TIAM2: variants seen among roughly 807,000 people sequenced by gnomAD.
TIAM2 encodes TIAM Rac1 associated GEF 2.
TIAM2 carries 80 observed loss-of-function variants against 152.9 expected under a neutral mutation model. The observed-to-expected ratio is 0.52, with a 90% CI of 0.44 to 0.63. The LOEUF (loss-of-function observed/expected upper bound fraction) is 0.63, where lower values mean the gene tolerates loss of function less well. TIAM2 is among the 30% of genes least tolerant of loss of function. The pLI, the probability that TIAM2 is intolerant of heterozygous loss-of-function variation, is 0.00. For synonymous variants in TIAM2, 804 were observed against 838.0 expected (o/e 0.96, Z 0.70); for missense variants, 1,965 against 2,120.1 (o/e 0.93, Z 1.44).
At position 155,199,072 on chromosome 6, in the gene TIAM2, T is replaced by TA. The variant is rs1434574365; in HGVS notation, c.3065-12132_3065-12131insA. Among the ~76,000 whole-genome samples the TA allele has an allele frequency of 9.2e-5, 14 of 151,810 alleles. No homozygotes were observed. The East Asian group carries it at 1.5e-3, about 17-fold the overall frequency. ...AAAAAAGGACAGTAACTTCTTTATTTTTTTTTTTTAATTACAAAAAAAGTT... is the reference window on the plus strand; with the variant it reads ...AAAAAAGGACAGTAACTTCTTTATTTATTTTTTTTTAATTACAAAAAAAGTT... On this transcript the variant is annotated intron_variant, in intron 14 of 26. Coordinates refer to ENST00000682666, the MANE Select transcript of TIAM2 (RefSeq NM_012454.4).
intron 1 of TIAM2, among the ~76,000 whole-genome samples, chr6:155,066,537 CA>C (rs1449519083): frequency 4.6e-5 from 7 of 152,118 alleles, no homozygotes; most frequent in Non-Finnish European, 1.0e-4. Context: ...GGATGGACTT[CA>C]ACAATTTTAT....
chr6:155,046,405 G>A (rs575151313), intron 1 of TIAM2, among the ~76,000 whole-genome samples: 2 of 138,086 alleles, frequency 1.4e-5, no homozygotes, highest in South Asian at 2.3e-4. Flanking sequence ...GCGTGATCTC[G>A]GCTCACTGCA....
intron 1 of TIAM2, among the ~76,000 whole-genome samples, chr6:155,033,004 C>G (rs73571647): frequency 0.013 from 2,001 of 152,312 alleles, 42 homozygotes; most frequent in African/African-American, 0.044. Flanking sequence ...AGTTTCCTTT[C>G]TGTTGTCCAT....
intron 1 of TIAM2, among the ~76,000 whole-genome samples, chr6:155,087,317 T>G (rs1470404709): frequency 6.6e-6 from 1 of 152,260 alleles, no homozygotes; most frequent in Non-Finnish European, 1.5e-5. Flanking sequence ...TCTTATATTT[T>G]ATAGTTTTCA....
At position 155,114,050 on chromosome 6, in the gene TIAM2, C is replaced by CTTTTTTTTTTT. The variant is rs1275422426; in HGVS notation, c.-117-13429_-117-13419dup. ...TATATATATATATTTTTTTTTTTTT[C>CTTTTTTTTTTT]TTTTTTTTTTTTTTTTTTTTTGAAA... is the stretch of plus-strand genomic sequence containing the variant. On this transcript the variant is annotated intron_variant, in intron 2 of 26. Transcript: ENST00000682666. Among the ~76,000 whole-genome samples, 17 of 58,258 alleles carry CTTTTTTTTTTT rather than the reference C, an allele frequency of 2.9e-4. 1 individual carries two copies. The highest frequency in any genetic ancestry group is 6.8e-4 in the Admixed American group (2 of 2,962). 38.2% of individuals were successfully genotyped at this position (58,258 alleles called of 152,430 possible).
At chr6:155,119,500 C>T (rs1260462785) in intron 2 of TIAM2, among the ~76,000 whole-genome samples, 4 of 151,766 alleles carry the variant, frequency 2.6e-5, no homozygotes, top group South Asian at 2.1e-4. Flanking sequence ...CCACTGTGAC[C>T]GGCTAATTTT....
chr6:155,181,428 A>AT (rs1238711169), intron 12 of TIAM2, among the ~76,000 whole-genome samples: 2 of 152,248 alleles, frequency 1.3e-5, no homozygotes, highest in African/African-American at 4.8e-5. Flanking sequence ...CAGTGAGAGT[A>AT]TTTTTTTGCT....
chr6:155,133,947 C>T (rs1276716367), intron 4 of TIAM2, among the ~76,000 whole-genome samples: 1 of 152,272 alleles, frequency 6.6e-6, no homozygotes, highest in East Asian at 1.9e-4. Context: ...GAACTCCCGA[C>T]CTCAGGTGAT....
intron 2 of TIAM2, among the ~76,000 whole-genome samples, chr6:155,105,465 T>C (rs545051211): frequency 6.6e-6 from 1 of 152,234 alleles, no homozygotes; most frequent in African/African-American, 2.4e-5. Context: ...AATTTTTTTA[T>C]TTTTACTTTT....
At chr6:155,021,059 G>A (rs940458151) in intron 1 of TIAM2, among the ~76,000 whole-genome samples, 2 of 152,112 alleles carry the variant, frequency 1.3e-5, no homozygotes, top group Admixed American at 1.3e-4. Flanking sequence ...GTATCAGAAT[G>A]TCTTTCCCTT....
Position 155,068,788 on chromosome 6 carries a change from T to A in TIAM2, c.-208-21501T>A, listed in dbSNP as rs149019053. On this transcript the variant is annotated intron_variant, in intron 1 of 26. Coordinates refer to ENST00000682666, the MANE Select transcript of TIAM2 (RefSeq NM_012454.4). ...TGCGATTGTTTATTTTTTATTTTTT[T>A]GAGATGGGATCTCGCCATGTTGCCC... Among the ~76,000 whole-genome samples the A allele has an allele frequency of 2.1e-3, 315 of 152,330 alleles. 12 individuals are homozygous for A. In the East Asian group the frequency reaches 0.054, roughly 26 times the overall value.
At chr6:155,068,526 C>G (rs563289204) in intron 1 of TIAM2, among the ~76,000 whole-genome samples, 16 of 151,942 alleles carry the variant, frequency 1.1e-4, no homozygotes, top group Non-Finnish European at 2.1e-4. Flanking sequence ...ACCTCCAGCT[C>G]ACTGCAACCT....
intron 5 of TIAM2, among the ~76,000 whole-genome samples, chr6:155,139,944 C>A (rs937014874): frequency 7.2e-6 from 1 of 138,162 alleles, no homozygotes; most frequent in Non-Finnish European, 1.5e-5. Flanking sequence ...ATCTCAAAAA[C>A]AAACAAACAA....
At chr6:155,133,852 G>A (rs997996687) in intron 4 of TIAM2, among the ~76,000 whole-genome samples, 4 of 152,030 alleles carry the variant, frequency 2.6e-5, no homozygotes, top group Admixed American at 1.3e-4. Context: ...TAGCTGATCC[G>A]GATTACAGGC....
intron 2 of TIAM2, among the ~76,000 whole-genome samples, chr6:155,109,370 GT>G (rs780335669): frequency 2.0e-5 from 3 of 152,068 alleles, no homozygotes; most frequent in Non-Finnish European, 2.9e-5. Flanking sequence ...CATCTTTTTT[GT>G]TTTGAAATTA....
intron 2 of TIAM2, among the ~76,000 whole-genome samples, chr6:155,103,350 T>C (rs1273054673): frequency 6.6e-6 from 1 of 152,160 alleles, no homozygotes; most frequent in Non-Finnish European, 1.5e-5. Context: ...ATAATTCATG[T>C]GTACAGGAGG....
intron 1 of TIAM2, among the ~76,000 whole-genome samples, chr6:155,082,053 G>A (rs1238672904): frequency 2.6e-5 from 4 of 152,116 alleles, no homozygotes; most frequent in Non-Finnish European, 5.9e-5. Context: ...GGATAATATC[G>A]TACTAATAGG....
In TIAM2 at chr6:155,121,671, C is replaced by G. The variant is rs562606805; in HGVS notation, c.-117-5819C>G. ...CCCTTTTGTTATCTGGCTCTTGTCA[C>G]TATCTGAAGTATTTGCCTGGGACTA... is the stretch of plus-strand genomic sequence containing the variant. On this transcript the variant is annotated intron_variant, in intron 2 of 26. Coordinates refer to ENST00000682666, the MANE Select transcript of TIAM2 (RefSeq NM_012454.4). 2.6e-5 allele frequency among the ~76,000 whole-genome samples: 4 copies of G among 152,306 alleles called. No homozygotes were observed. In the South Asian group the frequency reaches 8.3e-4, roughly 32 times the overall value.
chr6:155,205,182 TAAAAAAAAAAAAAAAAAAA>T (rs61272546), intron 14 of TIAM2, among the ~76,000 whole-genome samples: 2 of 40,526 alleles, frequency 4.9e-5, no homozygotes, highest in African/African-American at 1.1e-4. Context: ...TATTAATTTC[TAAAAAAAAAAAAAAAAAAA>T]AAAAAAAAAA....
Sources: allele counts gnomAD v4.1 joint callset (sites outside exome capture counted in the v4.1 genomes callset), GRCh38; gene constraint gnomAD v4.1.1; transcripts MANE v1.5; gene names NCBI Gene and HGNC (gene_info 2026-07-23, HGNC 2026-07-21).